Variants in ERLEC1 observed in about 807,000 individuals in gnomAD.
The protein encoded by ERLEC1 is endoplasmic reticulum lectin 1.
ERLEC1 carries 47 observed loss-of-function variants against 68.0 expected under a neutral mutation model. The ratio of observed to expected loss-of-function variants is 0.69; its 90% CI spans 0.55 to 0.88. The LOEUF (loss-of-function observed/expected upper bound fraction) is 0.88. Among genes scored for constraint, ERLEC1 ranks in the 40% least tolerant of loss-of-function variants. The pLI is 0.00. For synonymous variants in ERLEC1, 225 were observed against 203.2 expected (o/e 1.11, Z -0.91); for missense variants, 567 against 583.8 (o/e 0.97, Z 0.30).
intron 8 of ERLEC1, among the ~76,000 whole-genome samples, chr2:53,803,880 G>C (rs1275731497): frequency 6.6e-6 from 1 of 151,686 alleles, no homozygotes; most frequent in Non-Finnish European, 1.5e-5. Flanking sequence ...TATAATTCCA[G>C]CACTTTGGGA....
Position 53,787,243 on chromosome 2 carries a change from G to A in ERLEC1, c.33G>A (p.Leu11=). The change falls in exon 1 of 14, where the codon CTG becomes CTA. Residue 11 remains leucine (L), a synonymous_variant. Transcript: ENST00000185150. MEEGGGGVRS[L]VPGGPVLLVL... ...AAGGAGGCGGCGGCGTACGGAGTCT[G>A]GTCCCGGGCGGGCCGGTGTTACTGG... The A allele has an allele frequency of 6.2e-7, 1 of 1,606,572 alleles. No homozygotes were observed. The highest frequency in any genetic ancestry group is 1.3e-5 in the African/African-American group (1 of 75,040).
intron 8 of ERLEC1, among the ~76,000 whole-genome samples, chr2:53,806,056 A>G (rs1452164686): frequency 2.0e-5 from 3 of 152,218 alleles, no homozygotes; most frequent in African/African-American, 4.8e-5. Context: ...ATGTACATTT[A>G]GCATATGGTT....
At chr2:53,790,966 G>T (rs2104273036) in intron 1 of ERLEC1, among the ~76,000 whole-genome samples, 1 of 152,294 alleles carries the variant, frequency 6.6e-6, no homozygotes, top group Middle Eastern at 3.4e-3. Flanking sequence ...CCACAAATCA[G>T]TCTAATTTTC....
At chr2:53,790,809 G>T (rs188004635) in intron 1 of ERLEC1, among the ~76,000 whole-genome samples, 89 of 152,290 alleles carry the variant, frequency 5.8e-4, no homozygotes, top group Admixed American at 1.1e-3. Context: ...ACATTAACTA[G>T]AGTTAATAAT....
Position 53,801,383 on chromosome 2 carries a change from T to C in ERLEC1, c.526-14T>C. 6.2e-7 allele frequency: 1 copy of C among 1,601,092 alleles called. No individual in the cohort carries two copies. On this transcript the variant is annotated splice_polypyrimidine_tract_variant and intron_variant, in intron 6 of 13. Coordinates refer to ENST00000185150, the MANE Select transcript of ERLEC1 (RefSeq NM_015701.5). Reference sequence around the variant, plus strand: ...GTCTAATGAAAAGTCTGTCTTATACTCTTTTTTTTTAAGATTCCCACTAAA... The same window carrying C: ...GTCTAATGAAAAGTCTGTCTTATACCCTTTTTTTTTAAGATTCCCACTAAA...
Position 53,814,934 on chromosome 2 carries a change from G to C in ERLEC1, c.1379G>C (p.Gly460Ala). The change falls in exon 13 of 14, where the codon GGG (glycine) becomes GCG (alanine). Residue 460 changes from glycine to alanine, a missense_variant and splice_region_variant. Coordinates refer to ENST00000185150, the MANE Select transcript of ERLEC1 (RefSeq NM_015701.5). ...CCTCACTCCTGTCAATATATTCTTGGGGTAAGTTAAAAAGAAAATAATCAA... is the reference window on the plus strand; with the variant it reads ...CCTCACTCCTGTCAATATATTCTTGCGGTAAGTTAAAAAGAAAATAATCAA... ...LEPHSCQYILGVESPVICKIL... is the reference protein window; with the variant it reads ...LEPHSCQYILAVESPVICKIL... 6.4e-7 allele frequency: 1 copy of C among 1,563,636 alleles called. No individual in the cohort carries two copies. The highest frequency in any genetic ancestry group is 1.8e-5 in the Admixed American group (1 of 56,890).
At chr2:53,815,630 C>G (rs948990314) in intron 13 of ERLEC1, among the ~76,000 whole-genome samples, 6 of 152,030 alleles carry the variant, frequency 3.9e-5, no homozygotes, top group African/African-American at 1.4e-4. Context: ...TTAGTTTTGT[C>G]TCTTTTTTGG....
intron 6 of ERLEC1, among the ~76,000 whole-genome samples, chr2:53,799,441 A>G (rs1381885232): frequency 3.3e-5 from 5 of 152,166 alleles, no homozygotes. Flanking sequence ...GTAAACTATA[A>G]TGTAAATAAC....
At chr2:53,787,616 G>T (rs958521226) in intron 1 of ERLEC1, 2 of 400,252 alleles carry the variant, frequency 5.0e-6, no homozygotes, top group South Asian at 9.8e-5. Flanking sequence ...CAATTCTGTC[G>T]CACTAGACCT....
intron 8 of ERLEC1, among the ~76,000 whole-genome samples, chr2:53,803,210 G>A (rs556929127): frequency 3.3e-4 from 51 of 152,294 alleles, no homozygotes; most frequent in African/African-American, 1.1e-3. Context: ...TTCCTCTTGA[G>A]TACTTCTGCA....
rs113808269 is a variant in ERLEC1, at chr2:53,803,073, G to A, written c.879+1231G>A. Among the ~76,000 whole-genome samples the A allele has an allele frequency of 8.0e-3, 1,222 of 152,236 alleles. 25 individuals carry two copies. Among genetic ancestry groups the A allele is most frequent in the African/African-American group, 0.028 (1,172 of 41,540 alleles). On this transcript the variant is annotated intron_variant, in intron 8 of 13. Transcript: ENST00000185150. ...AGAGATAACTACTTCCTCTTCTGTGGTCTTGTATTTCATTCAGACCTCCAT... is the reference window on the plus strand; with the variant it reads ...AGAGATAACTACTTCCTCTTCTGTGATCTTGTATTTCATTCAGACCTCCAT...
At chr2:53,794,597 G>A in intron 2 of ERLEC1, 148 bp downstream of exon 2, 1 of 495,518 alleles carries the variant, frequency 2.0e-6, no homozygotes, top group Non-Finnish European at 3.6e-6. Context: ...TAATATCCCT[G>A]AATTCTTTGA....
rs146392549 is a variant in ERLEC1 at position 53,803,732 on chromosome 2, AAG to A, written c.879+1893_879+1894del. On this transcript the variant is annotated intron_variant, in intron 8 of 13. Transcript: ENST00000185150. The stretch of plus-strand genomic sequence containing the variant: ...CAAGGTTGCACTCAACCTGGGTAAA[AAG>A]AGTGAGACCCTATCTCAAAATTAAT... Among the ~76,000 whole-genome samples the A allele has an allele frequency of 6.5e-3, 987 of 152,334 alleles. 9 individuals are homozygous for A. Among genetic ancestry groups the A allele is most frequent in the African/African-American group, 0.023 (941 of 41,564 alleles).
At chr2:53,810,438 G>A (rs1288440518) in intron 10 of ERLEC1, among the ~76,000 whole-genome samples, 4 of 152,084 alleles carry the variant, frequency 2.6e-5, no homozygotes, top group Non-Finnish European at 5.9e-5. Flanking sequence ...ACTTGAGCCA[G>A]CCTGCTTAAA....
At chr2:53,808,497 C>A in intron 9 of ERLEC1, 37 bp downstream of exon 9, 1 of 1,601,616 alleles carries the variant, frequency 6.2e-7, no homozygotes, top group Non-Finnish European at 8.5e-7. Context: ...ATTTATTTTA[C>A]AACTTTACCT....
chr2:53,814,878 A>T lies in ERLEC1; in HGVS notation c.1323A>T (p.Ser441=). Residue 441 remains serine (S), a synonymous_variant, in exon 13 of 14, where the codon TCA becomes TCT. Transcript: ENST00000185150. The stretch of plus-strand genomic sequence containing the variant: ...GTTTTAGGTGCAAAGAATCAGATTC[A>T]CCTCATGCTGTTACTGTATATATGC... ...TVKLKCKESD[S]PHAVTVYMLE... is the part of the protein sequence containing the mutation. 3 of 1,608,464 alleles carry T rather than the reference A, an allele frequency of 1.9e-6. No homozygotes were observed. Among genetic ancestry groups the T allele is most frequent in the Non-Finnish European group, 2.6e-6 (3 of 1,176,438 alleles).
Position 53,787,125 on chromosome 2 carries a change from G to T in ERLEC1, c.-86G>T. 3.0e-6 allele frequency: 2 copies of T among 661,216 alleles called. No homozygotes were observed. The highest frequency in any genetic ancestry group is 2.2e-6 in the Non-Finnish European group (1 of 453,720). The allele number at this position is 661,216 out of a possible 1,614,324, so 41.0% of individuals were successfully genotyped here. A position where few individuals can be genotyped will look rare whatever the true frequency, so the allele number is the denominator to read the frequency against. ...TACCCGGGCGCTTTATAGTCCCGCC[G>T]CCTCCTCCTCCACCTCCTCCTCCTC... On this transcript the variant is annotated 5_prime_UTR_variant, in exon 1 of 14. Coordinates refer to ENST00000185150, the MANE Select transcript of ERLEC1 (RefSeq NM_015701.5).
At chr2:53,787,593 C>T (rs981507293) in intron 1 of ERLEC1, 7 of 436,742 alleles carry the variant, frequency 1.6e-5, no homozygotes, top group African/African-American at 4.0e-5. Context: ...CAATCACCTG[C>T]TCTCCACCTT....
chr2:53,817,101 C>T (rs565303468), intron 13 of ERLEC1, among the ~76,000 whole-genome samples: 1 of 151,510 alleles, frequency 6.6e-6, no homozygotes, highest in African/African-American at 2.4e-5. Context: ...AACATTTCCA[C>T]TTGGTTCTTT....
Sources: allele counts gnomAD v4.1 joint callset (sites outside exome capture counted in the v4.1 genomes callset), GRCh38; gene constraint gnomAD v4.1.1; transcripts MANE v1.5; gene names NCBI Gene and HGNC (gene_info 2026-07-23, HGNC 2026-07-21).